C6: variants seen among roughly 807,000 people sequenced by gnomAD.
C6 encodes complement C6.
In C6, 101 loss-of-function variants were observed where a neutral mutation model predicts 112.9. The ratio of observed to expected loss-of-function variants is 0.89; its 90% CI spans 0.76 to 1.06. C6 has a LOEUF of 1.06. Ranked by LOEUF, C6 falls within the 50% of genes least tolerant of loss-of-function variation. C6 has a pLI of 0.00. For missense variants in C6, 1,202 were observed against 1,104.6 expected (o/e 1.09, Z -1.25); for synonymous variants, 431 against 384.1 (o/e 1.12, Z -1.43).
chr5:41,153,193 TC>T (rs1746574940), intron 15 of C6, among the ~76,000 whole-genome samples: 1 of 152,252 alleles, frequency 6.6e-6, no homozygotes, highest in African/African-American at 2.4e-5. Flanking sequence ...TTTCTGTGAC[TC>T]CCCTTATTGG....
At chr5:41,258,328 T>C (rs1741844243) in intron 1 of C6, among the ~76,000 whole-genome samples, 1 of 152,228 alleles carries the variant, frequency 6.6e-6, no homozygotes, top group Non-Finnish European at 1.5e-5. Context: ...CTGACACTTA[T>C]TCAATTGTTT....
At chr5:41,193,946 C>T (rs374305032) in intron 5 of C6, among the ~76,000 whole-genome samples, 196 of 152,092 alleles carry the variant, frequency 1.3e-3, no homozygotes, top group Non-Finnish European at 2.0e-3. Context: ...CTGGTTGTCC[C>T]GAGCCGGCAG....
At chr5:41,143,370 CT>C (rs1255186333) in intron 17 of C6, among the ~76,000 whole-genome samples, 1 of 152,156 alleles carries the variant, frequency 6.6e-6, no homozygotes, top group African/African-American at 2.4e-5. Flanking sequence ...TGGCACCTCC[CT>C]TTTACTCACT....
chr5:41,212,575 A>G (rs1369322735), intron 1 of C6, among the ~76,000 whole-genome samples: 1 of 152,186 alleles, frequency 6.6e-6, no homozygotes. Flanking sequence ...GGCATTCTGG[A>G]GGTATCTAAA....
chr5:41,255,329 C>T (rs1376546752), intron 1 of C6, among the ~76,000 whole-genome samples: 1 of 149,372 alleles, frequency 6.7e-6, no homozygotes, highest in East Asian at 2.0e-4. Context: ...CCACTGCACT[C>T]CAGCCTGGGA....
intron 9 of C6, among the ~76,000 whole-genome samples, chr5:41,170,856 TTA>T (rs1169680762): frequency 1.3e-5 from 2 of 152,010 alleles, no homozygotes; most frequent in Non-Finnish European, 2.9e-5. Flanking sequence ...GAGGAAGGAG[TTA>T]TTTATAATGG....
At chr5:41,229,037 C>A (rs1241089697) in intron 1 of C6, among the ~76,000 whole-genome samples, 1 of 152,154 alleles carries the variant, frequency 6.6e-6, no homozygotes, top group Non-Finnish European at 1.5e-5. Context: ...ATCACTTGAA[C>A]CCGGGAGACG....
intron 1 of C6, among the ~76,000 whole-genome samples, chr5:41,230,524 C>G (rs1436047419): frequency 6.6e-6 from 1 of 152,106 alleles, no homozygotes; most frequent in African/African-American, 2.4e-5. Context: ...CTGGTAAATT[C>G]TAGTCAGACT....
At chr5:41,181,216 A>G (rs1749312140) in intron 7 of C6, 143 bp downstream of exon 7, 9 of 709,610 alleles carry the variant, frequency 1.3e-5, no homozygotes, top group Non-Finnish European at 1.9e-5. Context: ...AGTGAGATAT[A>G]ACAAAAAATG....
chr5:41,229,431 G>T (rs141611725), intron 1 of C6, among the ~76,000 whole-genome samples: 5 of 148,976 alleles, frequency 3.4e-5, no homozygotes, highest in Admixed American at 3.3e-4. Flanking sequence ...TTTCTTCTTT[G>T]ACCTGTCAGT....
intron 6 of C6, among the ~76,000 whole-genome samples, chr5:41,184,725 T>C (rs2150330974): frequency 6.6e-6 from 1 of 152,232 alleles, no homozygotes; most frequent in South Asian, 2.1e-4. Flanking sequence ...TGCACCCCCT[T>C]GGCCTCTCAA....
At chr5:41,175,483 T>C (rs1158068468) in intron 8 of C6, among the ~76,000 whole-genome samples, 1 of 152,204 alleles carries the variant, frequency 6.6e-6, no homozygotes, top group Non-Finnish European at 1.5e-5. Context: ...TCTCTACCTC[T>C]ACAGAGAAAG....
At chr5:41,195,713 A>G in intron 5 of C6, 79 bp downstream of exon 5, 2 of 1,416,212 alleles carry the variant, frequency 1.4e-6, no homozygotes, top group South Asian at 1.1e-5. Context: ...AAGATGGACA[A>G]TGATGTATCT....
At chr5:41,248,134 G>A (rs2921185) in intron 1 of C6, among the ~76,000 whole-genome samples, 134,487 of 152,212 alleles carry the variant, frequency 0.88, 59,541 homozygotes, top group Admixed American at 0.93. Context: ...GAATAATGAA[G>A]CTGGACCTGT....
At chr5:41,159,632 A>T (rs940698048) in intron 11 of C6, among the ~76,000 whole-genome samples, 5 of 148,356 alleles carry the variant, frequency 3.4e-5, no homozygotes, top group African/African-American at 1.2e-4. Flanking sequence ...AGTAGTATAC[A>T]TTCTTACTCC....
At chr5:41,199,974 G>A in intron 3 of C6, 62 bp from the exon 4 acceptor site, 2 of 1,514,642 alleles carry the variant, frequency 1.3e-6, no homozygotes, top group Non-Finnish European at 1.8e-6. Flanking sequence ...ATGTACCTAA[G>A]AAAACTGGGC....
At chr5:41,255,890 A>T (rs1253850924) in intron 1 of C6, among the ~76,000 whole-genome samples, 1 of 152,202 alleles carries the variant, frequency 6.6e-6, no homozygotes, top group East Asian at 1.9e-4. Flanking sequence ...GTAAGGCAAA[A>T]TCATTGTGAA....
At chr5:41,172,520 C>T in intron 8 of C6, 173 bp from the exon 9 acceptor site, 2 of 671,482 alleles carry the variant, frequency 3.0e-6, no homozygotes, top group South Asian at 1.7e-5. Flanking sequence ...TAGATTCAAT[C>T]CTGCATGGGC....
At position 41,181,574 on chromosome 5, in the gene C6, A is replaced by T; in HGVS notation, c.727-15T>A. On this transcript the variant is annotated splice_polypyrimidine_tract_variant and intron_variant, in intron 6 of 17. Coordinates refer to ENST00000337836, the MANE Select transcript of C6 (RefSeq NM_000065.5). ...GCAGTTTGTACCTGGAGAAAAATCC[A>T]TGTAAAATAAAATATAATTTAGGAA... 1 of 1,598,360 alleles carries T rather than the reference A, an allele frequency of 6.3e-7. No individual in the cohort carries two copies. The highest frequency in any genetic ancestry group is 8.6e-7 in the Non-Finnish European group (1 of 1,167,160).
Sources: gnomAD v4.1 joint callset for allele counts (sites outside exome capture counted in the v4.1 genomes callset) on GRCh38, gnomAD v4.1.1 for gene constraint, MANE v1.5 for transcripts, NCBI Gene and HGNC (gene_info 2026-07-23, HGNC 2026-07-21) for gene names.